MSH5: variants seen among roughly 807,000 people sequenced by gnomAD.
The protein encoded by MSH5 is mutS homolog 5.
Under a neutral mutation model 107.7 loss-of-function variants are expected in MSH5, and 78 were observed. The ratio of observed to expected loss-of-function variants is 0.72; its 90% CI spans 0.60 to 0.87. MSH5 has a LOEUF of 0.87. MSH5 is among the 40% of genes least tolerant of loss of function. The pLI, the probability that MSH5 is intolerant of heterozygous loss-of-function variation, is 0.00. For synonymous variants in MSH5, 326 were observed against 399.5 expected, an observed-to-expected ratio of 0.82 and a Z score of 2.19; for missense variants, 889 against 1,046.6, an observed-to-expected ratio of 0.85 and a Z score of 2.08.
chr6:31,744,599 TG>T lies in MSH5; in HGVS notation c.683+19del, dbSNP rs1809242698. ...ACTTACAGGTAAAGAGGTGGAGGCA[TG>T]CTGCTGTCTCTGGGGAGGGAGAAGG... On this transcript the variant is annotated intron_variant, in intron 8 of 24. Transcript: ENST00000375750. 3.7e-6 allele frequency: 6 copies of T among 1,612,932 alleles called. No individual in the cohort carries two copies. The highest frequency in any genetic ancestry group is 5.1e-6 in the Non-Finnish European group (6 of 1,179,810).
Position 31,758,067 on chromosome 6 carries a change from A to T in MSH5, c.1015-98A>T. The T allele has an allele frequency of 6.8e-7, 1 of 1,468,486 alleles. No homozygotes were observed. The highest frequency in any genetic ancestry group is 9.4e-7 in the Non-Finnish European group (1 of 1,064,326). The allele number at this position is 1,468,486 out of a possible 1,614,324, so 91.0% of individuals were successfully genotyped here. The stretch of plus-strand genomic sequence containing the variant: ...GAGATCTTCCCTCTTTGTTACTGTG[A>T]TCTTCCCTACTGGTCTTTGTTCTTC... On this transcript the variant is annotated intron_variant, in intron 12 of 24. Transcript: ENST00000375750. The surrounding 1 kb of genome is among the most constrained non-coding windows in gnomAD (Gnocchi z 5.1).
Position 31,759,868 on chromosome 6 carries a change from C to T in MSH5, c.1578C>T (p.Ala526=). 2 of 1,614,190 alleles carry T rather than the reference C, an allele frequency of 1.2e-6. No homozygotes were observed. The highest frequency in any genetic ancestry group is 1.7e-5 in the Admixed American group (1 of 60,028). ...TCTTAACCCGAGTATTGGACCTTGC[C>T]TCCCGCCTGGACGTCCTGCTGGCTC... ...AAVLTRVLDL[A]SRLDVLLALA... is the part of the protein sequence containing the mutation. The change falls in exon 18 of 25, where the codon GCC becomes GCT. Residue 526 remains alanine, a synonymous_variant. Transcript: ENST00000375750. The surrounding 1 kb of genome is among the most constrained non-coding windows in gnomAD (Gnocchi z 4.7).
chr6:31,741,027 T>G, intron 2 of MSH5, 136 bp from the exon 3 acceptor site: 1 of 1,101,286 alleles, frequency 9.1e-7, no homozygotes, highest in Non-Finnish European at 1.3e-6. Flanking sequence ...CCTGAGTGGC[T>G]GTTTCACATT....
At chr6:31,747,304 A>G (rs1809549253) in intron 9 of MSH5, 83 bp from the exon 10 acceptor site, 1 of 1,454,356 alleles carries the variant, frequency 6.9e-7, no homozygotes, top group African/African-American at 1.4e-5. Flanking sequence ...TCTGACCTGG[A>G]TGCCTCAGCT....
In MSH5 at chr6:31,759,511, G is replaced by A. The variant is rs762140681; in HGVS notation, c.1494G>A (p.Arg498=). The change falls in exon 17 of 25, where the codon CGG becomes CGA. Residue 498 remains arginine (R), a splice_region_variant and synonymous_variant. Transcript: ENST00000375750. The surrounding 1 kb of genome is among the most constrained non-coding windows in gnomAD (Gnocchi z 4.7). ...TGGGGGACCTGCACTGCGAGATCCG[G>A]GGTGAGGAAAAGCCAGAGGTTATAT... ...ALLGDLHCEI[R]DQETLLMYQL... is the part of the protein sequence containing the mutation. The A allele has an allele frequency of 3.1e-6, 5 of 1,612,484 alleles. No individual in the cohort carries two copies. In the South Asian group the frequency reaches 5.5e-5, roughly 18 times the overall value.
intron 12 of MSH5, among the ~76,000 whole-genome samples, chr6:31,754,969 G>A (rs986546195): frequency 6.6e-6 from 1 of 151,904 alleles, no homozygotes; most frequent in Non-Finnish European, 1.5e-5. Flanking sequence ...GGCCAGGATG[G>A]TCTTGATCTC....
intron 9 of MSH5, among the ~76,000 whole-genome samples, chr6:31,745,911 G>T (rs1809399866): frequency 6.6e-6 from 1 of 151,554 alleles, no homozygotes; most frequent in African/African-American, 2.4e-5. Flanking sequence ...AGGACTACAG[G>T]TGCCCACCAC....
In MSH5 at chr6:31,762,495, C is replaced by T; in HGVS notation, c.2469C>T (p.Ser823=). The change falls in exon 25 of 25, where the codon AGC becomes AGT. Residue 823 remains serine (S), a synonymous_variant. Transcript: ENST00000375750. The stretch of plus-strand genomic sequence containing the variant: ...ACCTGGACTTGAACGTTTTCATGAG[C>T]CAGGAAGTGCTGCCTGCTGCCACCA... The part of the protein sequence containing the change: ...DPNLDLNVFM[S]QEVLPAATSI... 11 of 1,614,006 alleles carry T rather than the reference C, an allele frequency of 6.8e-6. No individual in the cohort carries two copies. The highest frequency in any genetic ancestry group is 9.3e-6 in the Non-Finnish European group (11 of 1,179,934).
chr6:31,760,126 G>A lies in MSH5; in HGVS notation c.1722G>A (p.Val574=), dbSNP rs756422995. The A allele has an allele frequency of 3.7e-6, 6 of 1,609,114 alleles. No individual in the cohort carries two copies. The South Asian group carries it at 6.7e-5, about 18-fold the overall frequency. ...PLMELCARTF[V]PNSTECGGDK... is the part of the protein sequence containing the mutation. ...TGGAACTCTGTGCCCGAACCTTTGT[G>A]CCCAACTCCACAGAATGTGGTGGGG... Residue 574 remains valine, a synonymous_variant, in exon 19 of 25, where the codon GTG becomes GTA. Transcript: ENST00000375750. The surrounding 1 kb of genome is among the most constrained non-coding windows in gnomAD (Gnocchi z 5.6).
intron 9 of MSH5, chr6:31,746,100 G>GTGTGTGTGTGTGTGTGTGTA (rs1377345239): frequency 6.7e-6 from 1 of 148,994 alleles, no homozygotes; most frequent in African/African-American, 2.6e-5. Context: ...GTGTGTGTGT[G>GTGTGTGTGTGTGTGTGTGTA]TGTGTGTGTG....
intron 12 of MSH5, chr6:31,754,027 C>T: frequency 5.8e-6 from 1 of 171,850 alleles, no homozygotes; most frequent in East Asian, 1.4e-4. Context: ...GGCCCGGCCT[C>T]CCTCTTTTTT....
At position 31,744,340 on chromosome 6, in the gene MSH5, T is replaced by C. The variant is rs772333889; in HGVS notation, c.647+41T>C. 11 of 1,612,912 alleles carry C rather than the reference T, an allele frequency of 6.8e-6. No homozygotes were observed. The African/African-American group carries it at 1.5e-4, about 22-fold the overall frequency. On this transcript the variant is annotated intron_variant, in intron 7 of 24. Transcript: ENST00000375750. The stretch of plus-strand genomic sequence containing the variant: ...CAACCCCAACCAAAGTAATGTGGGA[T>C]TGGGAGGCCTGAAAAGTAAAGTGGG...
chr6:31,753,542 C>T lies in MSH5; in HGVS notation c.952-25C>T, dbSNP rs373539270. The T allele has an allele frequency of 1.2e-5, 20 of 1,613,862 alleles. No homozygotes were observed. In the South Asian group the frequency reaches 1.6e-4, roughly 13 times the overall value. On this transcript the variant is annotated intron_variant, in intron 11 of 24. Coordinates refer to ENST00000375750, the MANE Select transcript of MSH5 (RefSeq NM_172166.4). ...ATTAGAGTGAGGGAAGAGAAAACAG[C>T]GGCTGTAACCTTGTCTGACTGTAGC... is the stretch of plus-strand genomic sequence containing the variant.
At chr6:31,743,446 A>G in intron 5 of MSH5, 1 of 529,284 alleles carries the variant, frequency 1.9e-6, no homozygotes, top group Non-Finnish European at 3.3e-6. Context: ...TATTGTTGGA[A>G]TTCTCCCCAT....
rs899399351 is a variant in MSH5 at position 31,745,137 on chromosome 6, C to T, written c.684-100C>T. The T allele has an allele frequency of 4.7e-6, 3 of 637,646 alleles. No homozygotes were observed. In the African/African-American group the frequency reaches 5.7e-5, roughly 12 times the overall value. The allele number at this position is 637,646 out of a possible 1,614,324, so 39.5% of individuals were successfully genotyped here. A position where few individuals can be genotyped will look rare whatever the true frequency, so the allele number is the denominator to read the frequency against. On this transcript the variant is annotated intron_variant, in intron 8 of 24. Coordinates refer to ENST00000375750, the MANE Select transcript of MSH5 (RefSeq NM_172166.4). Reference sequence around the variant, plus strand: ...AAAAAAAAAAAAAAAGACGTGATCTCAGGAGGATATCCCCTGTCCCCATTC... The same window carrying T: ...AAAAAAAAAAAAAAAGACGTGATCTTAGGAGGATATCCCCTGTCCCCATTC...
intron 8 of MSH5, 69 bp downstream of exon 8, chr6:31,744,650 C>A (rs1581518120): frequency 1.3e-6 from 2 of 1,507,644 alleles, no homozygotes; most frequent in East Asian, 4.5e-5. Context: ...CCCAATAATC[C>A]TAATGAGGCT....
rs764619072 is a variant in MSH5, at chr6:31,741,202, A to G, written c.187A>G (p.Ile63Val). The G allele has an allele frequency of 4.3e-6, 7 of 1,612,918 alleles. No homozygotes were observed. The highest frequency in any genetic ancestry group is 2.2e-5 in the South Asian group (2 of 91,074). Reference protein sequence around the residue: ...CVLWNSGYLGIAYYDTSDSTI... With the variant: ...CVLWNSGYLGVAYYDTSDSTI... ...GCTGTGGAATTCAGGATACTTGGGC[A>G]TTGCCTACTATGATACTAGTGACTC... The change falls in exon 3 of 25, where the codon ATT becomes GTT. Residue 63 changes from isoleucine to valine, a missense_variant. Around this residue, in one of 3 missense-constraint regions of MSH5, gnomAD observed 518 missense variants for 565.0 expected, o/e 0.92. Coordinates refer to ENST00000375750, the MANE Select transcript of MSH5 (RefSeq NM_172166.4).
chr6:31,750,639 G>C (rs1382180964), intron 10 of MSH5, among the ~76,000 whole-genome samples: 1 of 152,206 alleles, frequency 6.6e-6, no homozygotes, highest in Non-Finnish European at 1.5e-5. Flanking sequence ...CTAAAGTGGG[G>C]ATGGCTATTT....
At chr6:31,743,536 C>A in intron 5 of MSH5, 2 of 432,656 alleles carry the variant, frequency 4.6e-6, no homozygotes, top group African/African-American at 2.0e-5. Flanking sequence ...ACTTCTATAA[C>A]TTTCCTAGGT....
Sources: allele counts gnomAD v4.1 joint callset (sites outside exome capture counted in the v4.1 genomes callset), GRCh38; gene constraint gnomAD v4.1.1; regional missense constraint gnomAD v4.1.1; non-coding constraint Gnocchi (gnomAD v3.1); transcripts MANE v1.5; gene names NCBI Gene and HGNC (gene_info 2026-07-23, HGNC 2026-07-21).